The following ARSG variants were observed in gnomAD, a reference collection of about 807,000 sequenced individuals.
The protein encoded by ARSG is ASG.
In ARSG, 37 loss-of-function variants were observed where a neutral mutation model predicts 50.5. That is an observed-to-expected ratio of 0.73 (90% CI 0.56 to 0.96). The LOEUF (loss-of-function observed/expected upper bound fraction) is 0.96, where lower values mean the gene tolerates loss of function less well. ARSG is among the 50% of genes least tolerant of loss of function. The pLI is 0.00. For synonymous variants in ARSG, 225 were observed against 254.6 expected, an observed-to-expected ratio of 0.88 and a Z score of 1.11; for missense variants, 629 against 675.3, an observed-to-expected ratio of 0.93 and a Z score of 0.76.
chr17:68,366,092 C>A (rs796399234), intron 6 of ARSG, among the ~76,000 whole-genome samples: 11 of 152,120 alleles, frequency 7.2e-5, no homozygotes, highest in African/African-American at 2.7e-4. Flanking sequence ...CACCTGCCAC[C>A]ACGCCTGGCT....
intron 2 of ARSG, among the ~76,000 whole-genome samples, chr17:68,322,252 G>A (rs2077313749): frequency 6.6e-6 from 1 of 152,214 alleles, no homozygotes. Context: ...TGCTGTGCTT[G>A]GGGCTGGAGT....
chr17:68,389,599 A>G (rs924473620), intron 9 of ARSG, among the ~76,000 whole-genome samples: 4 of 152,072 alleles, frequency 2.6e-5, no homozygotes, highest in African/African-American at 9.7e-5. Flanking sequence ...GATGATCCCT[A>G]CTGTTCCCTG....
chr17:68,359,102 G>A (rs895837928), intron 6 of ARSG, among the ~76,000 whole-genome samples: 1 of 152,058 alleles, frequency 6.6e-6, no homozygotes, highest in Non-Finnish European at 1.5e-5. Context: ...GGTGGAGCTT[G>A]CAGTGAGCCG....
chr17:68,311,512 TATTA>T (rs2076852892), intron 2 of ARSG, among the ~76,000 whole-genome samples: 2 of 152,178 alleles, frequency 1.3e-5, no homozygotes. Context: ...TTGCAAATGT[TATTA>T]ATTAAGGCTC....
chr17:68,405,955 T>C (rs2081693005), intron 11 of ARSG, among the ~76,000 whole-genome samples: 1 of 152,198 alleles, frequency 6.6e-6, no homozygotes. Context: ...GTAAGTTCTT[T>C]AGCGGTGATT....
intron 1 of ARSG, among the ~76,000 whole-genome samples, chr17:68,301,117 C>CA (rs782154030): frequency 0.045 from 4,117 of 91,638 alleles, 67 homozygotes; most frequent in Non-Finnish European, 0.062. Context: ...GACTCCGTCT[C>CA]AAAAAAAAAA....
intron 2 of ARSG, among the ~76,000 whole-genome samples, chr17:68,322,622 AT>A (rs1555770961): frequency 6.9e-6 from 1 of 145,860 alleles, no homozygotes; most frequent in African/African-American, 2.5e-5. Flanking sequence ...TCTCAAAAAA[AT>A]AAAATAAAAA....
intron 1 of ARSG, among the ~76,000 whole-genome samples, chr17:68,265,456 T>G (rs570690296): frequency 1.3e-5 from 2 of 152,226 alleles, no homozygotes; most frequent in South Asian, 4.1e-4. Flanking sequence ...GTTGTGCCAC[T>G]GCACTCCAGT....
At chr17:68,413,345 G>C (rs1472773183) in intron 11 of ARSG, among the ~76,000 whole-genome samples, 1 of 152,182 alleles carries the variant, frequency 6.6e-6, no homozygotes, top group Admixed American at 6.5e-5. Flanking sequence ...TAACAGACAG[G>C]ACCCTCAGCT....
chr17:68,363,147 G>T (rs2079376283), intron 6 of ARSG, among the ~76,000 whole-genome samples: 1 of 152,204 alleles, frequency 6.6e-6, no homozygotes, highest in South Asian at 2.1e-4. Context: ...CTATGGCAGG[G>T]ATGGGGGCAG....
chr17:68,301,897 G>A (rs150544782), intron 1 of ARSG, among the ~76,000 whole-genome samples: 2 of 151,996 alleles, frequency 1.3e-5, no homozygotes, highest in African/African-American at 4.8e-5. Flanking sequence ...TCCAAATTGT[G>A]TTTTCTCGAT....
chr17:68,273,798 A>T, intron 1 of ARSG: 1 of 1,130,696 alleles, frequency 8.8e-7, no homozygotes, highest in Non-Finnish European at 1.3e-6. Context: ...TACTGATCTG[A>T]GACACTGTTA....
chr17:68,389,321 C>T (rs1162031584), intron 9 of ARSG, among the ~76,000 whole-genome samples: 1 of 152,098 alleles, frequency 6.6e-6, no homozygotes, highest in Non-Finnish European at 1.5e-5. Context: ...CCCCTGCAAC[C>T]CCGGTTCTCC....
chr17:68,346,958 G>C (rs771473880), intron 3 of ARSG, 167 bp from the exon 4 acceptor site: 1 of 1,522,330 alleles, frequency 6.6e-7, no homozygotes, highest in South Asian at 1.2e-5. Flanking sequence ...ACACCGTCTC[G>C]GCCCCAGAGA....
At position 68,271,256 on chromosome 17, in the gene ARSG, G is replaced by C; in HGVS notation, c.-552+11830G>C. On this transcript the variant is annotated intron_variant, in intron 1 of 11. Transcript: ENST00000448504. This position sits in a 1 kb window ranked among gnomAD's most constrained non-coding sequence, Gnocchi z 5.3. ...GCAAAGAATCCCAGTGTTGCAAAGA[G>C]ACCAAATAATGCATAACAAATAAAA... The C allele has an allele frequency of 3.1e-6, 5 of 1,614,142 alleles. No homozygotes were observed. Among genetic ancestry groups the C allele is most frequent in the Non-Finnish European group, 4.2e-6 (5 of 1,180,046 alleles).
At chr17:68,388,898 C>T (rs1430061122) in intron 9 of ARSG, among the ~76,000 whole-genome samples, 1 of 145,346 alleles carries the variant, frequency 6.9e-6, no homozygotes, top group Non-Finnish European at 1.5e-5. Context: ...GCATTCCAGC[C>T]TGGGCGACAG....
chr17:68,383,837 G>A (rs971189162), intron 8 of ARSG, among the ~76,000 whole-genome samples: 4 of 152,202 alleles, frequency 2.6e-5, no homozygotes, highest in Non-Finnish European at 4.4e-5. Context: ...AGCCTGCAGA[G>A]ACTCCAGTTA....
chr17:68,375,602 C>T (rs566418058), intron 8 of ARSG, among the ~76,000 whole-genome samples: 1 of 152,328 alleles, frequency 6.6e-6, no homozygotes, highest in African/African-American at 2.4e-5. Flanking sequence ...ACACCAGCCA[C>T]ACTTCCAGGG....
chr17:68,277,426 G>A (rs142020961), intron 1 of ARSG, among the ~76,000 whole-genome samples: 2,349 of 151,364 alleles, frequency 0.016, 54 homozygotes, highest in African/African-American at 0.054. Context: ...CACCGCGCCC[G>A]GCCGCAACTT....
Sources: gnomAD v4.1 joint callset for allele counts (sites outside exome capture counted in the v4.1 genomes callset) on GRCh38, gnomAD v4.1.1 for gene constraint, Gnocchi (gnomAD v3.1) non-coding constraint, MANE v1.5 for transcripts, NCBI Gene and HGNC (gene_info 2026-07-23, HGNC 2026-07-21) for gene names.